ROCK2: variants seen among roughly 807,000 people sequenced by gnomAD.
The protein encoded by ROCK2 is rho-associated protein kinase 2.
In ROCK2, 61 loss-of-function variants were observed where a neutral mutation model predicts 195.1. The observed-to-expected ratio is 0.31, with a 90% confidence interval of 0.25 to 0.39. The LOEUF (loss-of-function observed/expected upper bound fraction) is 0.39, where lower values mean the gene tolerates loss of function less well. Among genes scored for constraint, ROCK2 ranks in the 10% least tolerant of loss-of-function variants. The probability of loss-of-function intolerance (pLI) is 1.00; values close to 1 mark genes in which losing one functional copy is unlikely to be tolerated. For missense variants in ROCK2, 1,109 were observed against 1,637.4 expected (o/e 0.68, Z 5.57); for synonymous variants, 504 against 545.5 (o/e 0.92, Z 1.06).
At chr2:11,219,764 T>A (rs144277592) in intron 9 of ROCK2, among the ~76,000 whole-genome samples, 1 of 152,184 alleles carries the variant, frequency 6.6e-6, no homozygotes, top group African/African-American at 2.4e-5. Context: ...CATTCAACTA[T>A]TGAACAGCTT....
chr2:11,328,782 T>C lies in ROCK2; in HGVS notation c.141+15214A>G, dbSNP rs183846547. The stretch of plus-strand genomic sequence containing the variant: ...GTCCTTTGTACAGACATGGATGAAA[T>C]TGGAAATCATCATTCTCAGTAAACT... On this transcript the variant is annotated intron_variant, in intron 1 of 32. Transcript: ENST00000315872. Among the ~76,000 whole-genome samples the C allele has an allele frequency of 1.6e-4, 24 of 152,046 alleles. 1 individual carries two copies. In the East Asian group the frequency reaches 2.1e-3, roughly 14 times the overall value.
intron 27 of ROCK2, 132 bp from the exon 28 acceptor site, chr2:11,195,157 T>C (rs1663581692): frequency 2.0e-6 from 1 of 498,470 alleles, no homozygotes; most frequent in African/African-American, 2.0e-5. Context: ...CTATACATCA[T>C]CTAGGATACA....
intron 1 of ROCK2, among the ~76,000 whole-genome samples, chr2:11,336,048 ATT>A (rs1668918876): frequency 1.3e-5 from 2 of 152,226 alleles, no homozygotes; most frequent in Non-Finnish European, 2.9e-5. Flanking sequence ...TTAAACAGTG[ATT>A]ATCTCTAAGG....
rs957995978 is a variant in ROCK2 at position 11,309,408 on chromosome 2, T to C, written c.142-21672A>G. Among the ~76,000 whole-genome samples, 4 of 152,310 alleles carry C rather than the reference T, an allele frequency of 2.6e-5. No individual in the cohort carries two copies. In the South Asian group the frequency reaches 8.3e-4, roughly 32 times the overall value. On this transcript the variant is annotated intron_variant, in intron 1 of 32. Coordinates refer to ENST00000315872, the MANE Select transcript of ROCK2 (RefSeq NM_004850.5). ...CTGTATATGTACGCGTGTGTGCATA[T>C]GCAGTATACACAAAATAAAGATGGT...
intron 1 of ROCK2, among the ~76,000 whole-genome samples, chr2:11,317,587 T>TAAAAAAAAAAAAAA (rs1553317367): frequency 1.6e-4 from 2 of 12,440 alleles, no homozygotes; most frequent in African/African-American, 5.3e-4. Context: ...TATATATATA[T>TAAAAAAAAAAAAAA]ATATATATAT....
At chr2:11,297,774 G>A (rs907540573) in intron 1 of ROCK2, among the ~76,000 whole-genome samples, 46 of 152,264 alleles carry the variant, frequency 3.0e-4, no homozygotes, top group Admixed American at 2.4e-3. Flanking sequence ...GGTCAGCCAT[G>A]TGGAGGACAC....
chr2:11,305,667 A>C (rs1667837470), intron 1 of ROCK2, among the ~76,000 whole-genome samples: 1 of 152,220 alleles, frequency 6.6e-6, no homozygotes, highest in South Asian at 2.1e-4. Context: ...TGATAAGATG[A>C]GCTTGTAGCA....
At chr2:11,213,309 C>T (rs1664309730) in intron 17 of ROCK2, among the ~76,000 whole-genome samples, 1 of 152,126 alleles carries the variant, frequency 6.6e-6, no homozygotes, top group Admixed American at 6.6e-5. Context: ...CCTTAAGTGG[C>T]TAGCCCATTA....
chr2:11,333,173 G>A (rs1246299761), intron 1 of ROCK2, among the ~76,000 whole-genome samples: 2 of 152,136 alleles, frequency 1.3e-5, no homozygotes, highest in Non-Finnish European at 2.9e-5. Flanking sequence ...CAATAAAACA[G>A]TTGAAAATAA....
chr2:11,217,100 G>C lies in ROCK2; in HGVS notation c.1402C>G (p.Gln468Glu). 1 of 1,513,036 alleles carries C rather than the reference G, an allele frequency of 6.6e-7. No individual in the cohort carries two copies. The highest frequency in any genetic ancestry group is 9.2e-7 in the Non-Finnish European group (1 of 1,088,572). 93.7% of individuals were successfully genotyped at this position (1,513,036 alleles called of 1,614,324 possible). ...NEMQAKEELE[Q>E]KCKSVNTRLE... The stretch of plus-strand genomic sequence containing the variant: ...ATCTACAAAACATACTTGCACTTCT[G>C]TTCCAGTTCCTCTTTGGCTTGCATC... The change falls in exon 12 of 33, where the codon CAG becomes GAG. Residue 468 changes from glutamine to glutamate, a missense_variant. Physicochemically the swap from Gln to Glu is conservative, Grantham distance 29. Around this residue, in one of 6 missense-constraint regions of ROCK2, gnomAD observed 542 missense variants for 672.0 expected, o/e 0.81. Transcript: ENST00000315872.
rs1263086376 is a variant in ROCK2, at chr2:11,179,976, TGGGAGTCA to T, written c.*3453_*3460del. 5.3e-5 allele frequency: 8 copies of T among 151,818 alleles called. No homozygotes were observed. The South Asian group carries it at 1.2e-3, about 24-fold the overall frequency. 9.4% of individuals were successfully genotyped at this position (151,818 alleles called of 1,614,324 possible). ...CAAACAAAACTCATTATTATGGGGA[TGGGAGTCA>T]GGGAGAGGCCCCCCCCCAAGCATGA... is the stretch of plus-strand genomic sequence containing the variant. On this transcript the variant is annotated 3_prime_UTR_variant, in exon 33 of 33. Coordinates refer to ENST00000315872, the MANE Select transcript of ROCK2 (RefSeq NM_004850.5).
intron 8 of ROCK2, 36 bp from the exon 9 acceptor site, chr2:11,221,393 A>C (rs780325556): frequency 1.9e-5 from 28 of 1,455,048 alleles, no homozygotes; most frequent in Non-Finnish European, 2.6e-5. Context: ...TTTCATTCAC[A>C]ACCAAAATAT....
At chr2:11,328,161 A>G (rs1488861911) in intron 1 of ROCK2, among the ~76,000 whole-genome samples, 1 of 152,178 alleles carries the variant, frequency 6.6e-6, no homozygotes, top group Admixed American at 6.5e-5. Flanking sequence ...TTGTCTTACT[A>G]TTCTCTTAGA....
chr2:11,293,784 C>T (rs1667429157), intron 1 of ROCK2, among the ~76,000 whole-genome samples: 1 of 152,114 alleles, frequency 6.6e-6, no homozygotes, highest in Admixed American at 6.5e-5. Flanking sequence ...AATGGCTTCA[C>T]CCTAACCTCA....
Position 11,214,829 on chromosome 2 carries a change from G to T in ROCK2, c.1936+11C>A. The T allele has an allele frequency of 6.3e-7, 1 of 1,584,230 alleles. No homozygotes were observed. The highest frequency in any genetic ancestry group is 8.6e-7 in the Non-Finnish European group (1 of 1,167,062). ...TCAAAATTAATTCAAGTGCAACCACGACTTCAATACCTTGTAAATCATTAA... is the reference window on the plus strand; with the variant it reads ...TCAAAATTAATTCAAGTGCAACCACTACTTCAATACCTTGTAAATCATTAA... On this transcript the variant is annotated intron_variant, in intron 16 of 32. Transcript: ENST00000315872.
chr2:11,344,292 G>A lies in ROCK2; in HGVS notation c.-156C>T. The A allele has an allele frequency of 8.0e-7, 1 of 1,245,452 alleles. No homozygotes were observed. The highest frequency in any genetic ancestry group is 1.0e-6 in the Non-Finnish European group (1 of 996,312). The allele number at this position is 1,245,452 out of a possible 1,614,324, so 77.2% of individuals were successfully genotyped here. ...CTTCGGGTCTCCAAGGCGGTCCCCCGCCTGGGGGCTGCTCCCAGGGGCCCG... is the reference window on the plus strand; with the variant it reads ...CTTCGGGTCTCCAAGGCGGTCCCCCACCTGGGGGCTGCTCCCAGGGGCCCG... On this transcript the variant is annotated 5_prime_UTR_variant, in exon 1 of 33. Coordinates refer to ENST00000315872, the MANE Select transcript of ROCK2 (RefSeq NM_004850.5). The surrounding 1 kb of genome is among the most constrained non-coding windows in gnomAD (Gnocchi z 5.4).
chr2:11,224,028 T>A (rs542309174), intron 7 of ROCK2, among the ~76,000 whole-genome samples: 1 of 152,188 alleles, frequency 6.6e-6, no homozygotes, highest in Admixed American at 6.5e-5. Flanking sequence ...GAGGATAAAA[T>A]GTGAACAACA....
intron 1 of ROCK2, among the ~76,000 whole-genome samples, chr2:11,322,022 G>C (rs1429088757): frequency 2.0e-5 from 3 of 152,086 alleles, no homozygotes; most frequent in Non-Finnish European, 2.9e-5. Context: ...AGGAGATTAT[G>C]ACACCAGGGG....
chr2:11,215,368 G>T lies in ROCK2; in HGVS notation c.1642C>A (p.Gln548Lys). ...DQLEDLKKRN[Q>K]NSQISTEKVN... Reference sequence around the variant, plus strand: ...TTCTCAGTGGATATTTGAGAGTTTTGATTTCTTTTTTTCAAATCTTCAAGT... The same window carrying T: ...TTCTCAGTGGATATTTGAGAGTTTTTATTTCTTTTTTTCAAATCTTCAAGT... Residue 548 changes from glutamine (Q) to lysine (K), a missense_variant, in exon 15 of 33, where the codon CAA becomes AAA. By Grantham distance (53) the Gln-to-Lys change is moderately conservative (BLOSUM62 1). This residue lies in a region of ROCK2 where 542 missense variants were observed against 672.0 expected (regional missense o/e 0.81). Coordinates refer to ENST00000315872, the MANE Select transcript of ROCK2 (RefSeq NM_004850.5). 1 of 1,607,482 alleles carries T rather than the reference G, an allele frequency of 6.2e-7. No individual in the cohort carries two copies. The highest frequency in any genetic ancestry group is 1.1e-5 in the South Asian group (1 of 89,584).
Sources: gnomAD v4.1 joint callset for allele counts (sites outside exome capture counted in the v4.1 genomes callset) on GRCh38, gnomAD v4.1.1 for gene constraint, gnomAD v4.1.1 regional missense constraint, Gnocchi (gnomAD v3.1) non-coding constraint, MANE v1.5 for transcripts, NCBI Gene and HGNC (gene_info 2026-07-23, HGNC 2026-07-21) for gene names.